Variants in FGF2 observed in about 807,000 individuals in gnomAD.
FGF2 encodes basic fibroblast growth factor bFGF.
Under a neutral mutation model 15.9 loss-of-function variants are expected in FGF2, and 13 were observed. That is an observed-to-expected ratio of 0.82 (90% CI 0.53 to 1.30). The LOEUF is 1.30. Ranked by LOEUF, FGF2 falls within the 50% of genes most tolerant of loss-of-function variation. The pLI is 0.00. For missense variants in FGF2, 163 were observed against 196.9 expected (o/e 0.83, Z 1.03); for synonymous variants, 90 against 78.4 (o/e 1.15, Z -0.78).
At chr4:122,860,260 A>G (rs1276608418) in intron 1 of FGF2, among the ~76,000 whole-genome samples, 1 of 152,092 alleles carries the variant, frequency 6.6e-6, no homozygotes, top group African/African-American at 2.4e-5. Flanking sequence ...TTGTAGGTGT[A>G]AATAAACCGA....
chr4:122,828,796 G>A (rs366192), intron 1 of FGF2, among the ~76,000 whole-genome samples: 1 of 152,090 alleles, frequency 6.6e-6, no homozygotes, highest in East Asian at 1.9e-4. Context: ...TAACCTATTA[G>A]ATGGGTTAGT....
At position 122,836,869 on chromosome 4, in the gene FGF2, G is replaced by A. The variant is rs114248845; in HGVS notation, c.178+9517G>A. On this transcript the variant is annotated intron_variant, in intron 1 of 2. Transcript: ENST00000644866. ...CATTTGTTGGATCACTTTTTATTTT[G>A]GAAACTTTTCAGCTGTTAAGTAACA... Among the ~76,000 whole-genome samples the A allele has an allele frequency of 9.6e-3, 1,463 of 152,252 alleles. 14 individuals are homozygous for A. The highest frequency in any genetic ancestry group is 0.015 in the Non-Finnish European group (1,040 of 67,996).
At chr4:122,867,074 A>G (rs550571886) in intron 1 of FGF2, among the ~76,000 whole-genome samples, 4 of 152,332 alleles carry the variant, frequency 2.6e-5, no homozygotes, top group African/African-American at 9.6e-5. Context: ...AGGCAGTCAC[A>G]TTTTGTTTAT....
At chr4:122,880,528 G>A (rs112776421) in intron 2 of FGF2, among the ~76,000 whole-genome samples, 7,973 of 152,128 alleles carry the variant, frequency 0.052, 491 homozygotes, top group African/African-American at 0.15. Context: ...GATTACAGGC[G>A]TGAGCCACTG....
At chr4:122,886,262 A>T (rs1047069345) in intron 2 of FGF2, among the ~76,000 whole-genome samples, 2 of 152,026 alleles carry the variant, frequency 1.3e-5, no homozygotes, top group African/African-American at 2.4e-5. Context: ...AGTGTTTGAG[A>T]GGAAGACTAT....
At position 122,897,259 on chromosome 4, in the gene FGF2, A is replaced by G. The variant is rs932009163; in HGVS notation, c.*4863A>G. 1.6e-5 allele frequency: 3 copies of G among 191,206 alleles called. No individual in the cohort carries two copies. The highest frequency in any genetic ancestry group is 3.2e-5 in the Non-Finnish European group (3 of 93,628). 11.8% of individuals were successfully genotyped at this position (191,206 alleles called of 1,614,324 possible). ...CATCCTCTGTGATGGAATGGTCAGG[A>G]ATTTGTTTTCTCATAGTTTAATTCC... On this transcript the variant is annotated 3_prime_UTR_variant, in exon 3 of 3. Coordinates refer to ENST00000644866, the MANE Select transcript of FGF2 (RefSeq NM_001361665.2).
intron 1 of FGF2, among the ~76,000 whole-genome samples, chr4:122,856,074 A>G (rs1040165094): frequency 6.6e-6 from 1 of 152,226 alleles, no homozygotes; most frequent in Non-Finnish European, 1.5e-5. Context: ...ATAAGCCATC[A>G]GAAAAAAAAA....
chr4:122,857,570 C>T (rs1015372239), intron 1 of FGF2, among the ~76,000 whole-genome samples: 5 of 152,178 alleles, frequency 3.3e-5, no homozygotes, highest in African/African-American at 4.8e-5. Flanking sequence ...TCAGGAGTCA[C>T]CTGATATTTA....
chr4:122,828,222 G>C (rs571000067), intron 1 of FGF2, among the ~76,000 whole-genome samples: 1 of 152,336 alleles, frequency 6.6e-6, no homozygotes, highest in South Asian at 2.1e-4. Context: ...TAAGTCTGGA[G>C]TGGGGGCTGA....
At chr4:122,859,653 TACACAC>T (rs3034609) in intron 1 of FGF2, among the ~76,000 whole-genome samples, 4 of 149,666 alleles carry the variant, frequency 2.7e-5, no homozygotes, top group East Asian at 2.0e-4. Flanking sequence ...CATATGTATA[TACACAC>T]ACACACACAC....
chr4:122,862,601 G>C (rs1227940637), intron 1 of FGF2, among the ~76,000 whole-genome samples: 1 of 152,146 alleles, frequency 6.6e-6, no homozygotes, highest in African/African-American at 2.4e-5. Context: ...TAGAAAGATT[G>C]TGTCAATTCT....
rs1560766082 is a variant in FGF2, at chr4:122,897,785, T to G, written c.*5389T>G. On this transcript the variant is annotated 3_prime_UTR_variant, in exon 3 of 3. Coordinates refer to ENST00000644866, the MANE Select transcript of FGF2 (RefSeq NM_001361665.2). ...ATTGGTCAAAGTGGTTGAGAATATA[T>G]TTTTTAGTAATTGCATGCAAAATTT... is the stretch of plus-strand genomic sequence containing the variant. 5 of 783,474 alleles carry G rather than the reference T, an allele frequency of 6.4e-6. No individual in the cohort carries two copies. The highest frequency in any genetic ancestry group is 8.5e-6 in the Non-Finnish European group (4 of 468,520). 48.5% of individuals were successfully genotyped at this position (783,474 alleles called of 1,614,324 possible). A position where few individuals can be genotyped will look rare whatever the true frequency, so the allele number is the denominator to read the frequency against.
upstream of FGF2, chr4:122,826,787 G>T (rs308400): frequency 3.4e-5 from 47 of 1,391,340 alleles, no homozygotes; most frequent in South Asian, 4.7e-5. Flanking sequence ...TGGTGGGTGT[G>T]GGGGGTGGAG....
intron 1 of FGF2, among the ~76,000 whole-genome samples, chr4:122,853,949 T>C (rs1279183455): frequency 6.6e-6 from 1 of 152,188 alleles, no homozygotes; most frequent in East Asian, 1.9e-4. Context: ...AAATAGACAT[T>C]TGTAAAGCAT....
rs1159329715 is a variant in FGF2, at chr4:122,893,188, A to G, written c.*792A>G. 4 of 1,612,456 alleles carry G rather than the reference A, an allele frequency of 2.5e-6. No homozygotes were observed. The highest frequency in any genetic ancestry group is 3.3e-4 in the Middle Eastern group (2 of 6,076). On this transcript the variant is annotated 3_prime_UTR_variant, in exon 3 of 3. Coordinates refer to ENST00000644866, the MANE Select transcript of FGF2 (RefSeq NM_001361665.2). The stretch of plus-strand genomic sequence containing the variant: ...GGACGGACCTGAATTCTGATTTTAT[A>G]CCAGTCTCTTCAAAAACTTCTCGAA...
At chr4:122,860,731 C>T (rs1367113906) in intron 1 of FGF2, among the ~76,000 whole-genome samples, 1 of 152,178 alleles carries the variant, frequency 6.6e-6, no homozygotes, top group African/African-American at 2.4e-5. Flanking sequence ...TGCTAGGCTA[C>T]AGGCGTGAGC....
chr4:122,878,960 T>A (rs1726910077), intron 2 of FGF2, among the ~76,000 whole-genome samples: 1 of 152,182 alleles, frequency 6.6e-6, no homozygotes, highest in Non-Finnish European at 1.5e-5. Flanking sequence ...TAAGGGAAAT[T>A]CAGGTAAAGA....
Position 122,897,558 on chromosome 4 carries a change from C to A in FGF2, c.*5162C>A. The A allele has an allele frequency of 8.7e-7, 1 of 1,154,538 alleles. No individual in the cohort carries two copies. The highest frequency in any genetic ancestry group is 1.3e-6 in the Non-Finnish European group (1 of 765,956). The allele number at this position is 1,154,538 out of a possible 1,614,324, so 71.5% of individuals were successfully genotyped here. A position where few individuals can be genotyped will look rare whatever the true frequency, so the allele number is the denominator to read the frequency against. On this transcript the variant is annotated 3_prime_UTR_variant, in exon 3 of 3. Transcript: ENST00000644866. ...TAAATTTTTATTCTTAGCTATAAAG[C>A]AAGAAAGTAAACACATTAATTTCCT...
At position 122,878,207 on chromosome 4, in the gene FGF2, T is replaced by C. The variant is rs567144332; in HGVS notation, c.282+1783T>C. On this transcript the variant is annotated intron_variant, in intron 2 of 2. Coordinates refer to ENST00000644866, the MANE Select transcript of FGF2 (RefSeq NM_001361665.2). The stretch of plus-strand genomic sequence containing the variant: ...TATTTTGCATACATGCATAGTAATA[T>C]AGGAAAGGATAAGAAGTATTATGAT... Among the ~76,000 whole-genome samples the C allele has an allele frequency of 2.6e-5, 4 of 152,270 alleles. No individual in the cohort carries two copies. The South Asian group carries it at 8.3e-4, about 32-fold the overall frequency.
Sources: gnomAD v4.1 joint callset for allele counts (sites outside exome capture counted in the v4.1 genomes callset) on GRCh38, gnomAD v4.1.1 for gene constraint, MANE v1.5 for transcripts, NCBI Gene and HGNC (gene_info 2026-07-23, HGNC 2026-07-21) for gene names.